The following HBP1 variants were observed in gnomAD, a reference collection of about 807,000 sequenced individuals.
HBP1 encodes the protein HMG-box transcription factor 1.
HBP1 carries 20 observed loss-of-function variants against 62.6 expected under a neutral mutation model. The ratio of observed to expected loss-of-function variants is 0.32; its 90% confidence interval spans 0.22 to 0.46. The LOEUF (loss-of-function observed/expected upper bound fraction) is 0.46, where lower values mean the gene tolerates loss of function less well. HBP1 is among the 20% of genes least tolerant of loss of function. The pLI is 1.00. For missense variants in HBP1, 480 were observed against 611.8 expected, an observed-to-expected ratio of 0.78 and a Z score of 2.27; for synonymous variants, 232 against 206.2, an observed-to-expected ratio of 1.12 and a Z score of -1.07.
At chr7:107,177,071 G>A (rs1406623009) in intron 1 of HBP1, among the ~76,000 whole-genome samples, 1 of 152,076 alleles carries the variant, frequency 6.6e-6, no homozygotes, top group Non-Finnish European at 1.5e-5. Context: ...TTCTATTTAG[G>A]ACATTACAGA....
intron 8 of HBP1, among the ~76,000 whole-genome samples, 156 bp downstream of exon 8, chr7:107,190,473 T>G (rs1797596227): frequency 6.6e-6 from 1 of 152,214 alleles, no homozygotes; most frequent in South Asian, 2.1e-4. Context: ...GAAAACATAT[T>G]AGGTAATTAA....
chr7:107,195,785 G>T, intron 8 of HBP1, 49 bp from the exon 9 acceptor site: 1 of 824,018 alleles, frequency 1.2e-6, no homozygotes, highest in Non-Finnish European at 1.7e-6. Context: ...TTAGAAATCA[G>T]AGAATTCAAA....
intron 6 of HBP1, among the ~76,000 whole-genome samples, chr7:107,187,310 A>T (rs1311432214): frequency 6.6e-6 from 1 of 152,188 alleles, no homozygotes; most frequent in Non-Finnish European, 1.5e-5. Flanking sequence ...GCCTTGCCTT[A>T]GGTAATCTAC....
In HBP1 at chr7:107,201,399, AT is replaced by A; in HGVS notation, c.1528-11del. ...GATTTGTAAACATTCACTGAGTTTAATTTTATTTCCACAGGGCTCACAACAA... is the reference window on the plus strand; with the variant it reads ...GATTTGTAAACATTCACTGAGTTTAATTTATTTCCACAGGGCTCACAACAA... On this transcript the variant is annotated splice_polypyrimidine_tract_variant and intron_variant, in intron 10 of 10. Coordinates refer to ENST00000222574, the MANE Select transcript of HBP1 (RefSeq NM_012257.4). 2 of 1,550,126 alleles carry A rather than the reference AT, an allele frequency of 1.3e-6. No individual in the cohort carries two copies. Among genetic ancestry groups the A allele is most frequent in the Non-Finnish European group, 1.8e-6 (2 of 1,123,516 alleles).
chr7:107,178,479 T>A (rs1226544983), intron 1 of HBP1, among the ~76,000 whole-genome samples: 1 of 152,226 alleles, frequency 6.6e-6, no homozygotes, highest in Non-Finnish European at 1.5e-5. Context: ...TGGATTTTGC[T>A]GAGAAATTAT....
chr7:107,174,054 A>G (rs1796725828), intron 1 of HBP1, among the ~76,000 whole-genome samples: 1 of 152,220 alleles, frequency 6.6e-6, no homozygotes, highest in Non-Finnish European at 1.5e-5. Context: ...TTTCTTCAGA[A>G]TAGTTGAGAA....
chr7:107,181,915 A>G (rs1450242425), intron 2 of HBP1, among the ~76,000 whole-genome samples: 2 of 152,116 alleles, frequency 1.3e-5, no homozygotes, highest in Admixed American at 6.5e-5. Flanking sequence ...AATAACCGAT[A>G]AATAACCAGT....
chr7:107,186,512 A>G (rs1319151316), intron 5 of HBP1, 40 bp downstream of exon 5: 2 of 1,568,896 alleles, frequency 1.3e-6, no homozygotes, highest in African/African-American at 2.7e-5. Flanking sequence ...AATTTTCCAC[A>G]GCTTACTTGT....
At chr7:107,173,838 T>C (rs1292305291) in intron 1 of HBP1, among the ~76,000 whole-genome samples, 2 of 152,194 alleles carry the variant, frequency 1.3e-5, no homozygotes, top group Non-Finnish European at 2.9e-5. Context: ...CAGAGTTAAC[T>C]AAAATACAAG....
At chr7:107,180,346 CT>C (rs1221777896) in intron 2 of HBP1, among the ~76,000 whole-genome samples, 5 of 152,200 alleles carry the variant, frequency 3.3e-5, no homozygotes, top group African/African-American at 7.2e-5. Flanking sequence ...AAAGATGCTA[CT>C]TTTGAAATAT....
In HBP1 at chr7:107,201,315, T is replaced by G. The variant is rs1296265071; in HGVS notation, c.1528-99T>G. On this transcript the variant is annotated intron_variant, in intron 10 of 10. Coordinates refer to ENST00000222574, the MANE Select transcript of HBP1 (RefSeq NM_012257.4). ...CCTTTAAGAAAGCAGTATTTTCTAA[T>G]AGTAAATTTATAAACATCTTATACA... The G allele has an allele frequency of 1.0e-5, 7 of 673,706 alleles. No individual in the cohort carries two copies. The Admixed American group carries it at 1.6e-4, about 15-fold the overall frequency. 41.7% of individuals were successfully genotyped at this position (673,706 alleles called of 1,614,324 possible).
Position 107,195,896 on chromosome 7 carries a change from G to A in HBP1, c.1130G>A (p.Arg377His). 1.9e-6 allele frequency: 3 copies of A among 1,613,446 alleles called. No individual in the cohort carries two copies. The highest frequency in any genetic ancestry group is 1.1e-5 in the South Asian group (1 of 91,048). Residue 377 changes from arginine to histidine, a missense_variant, in exon 9 of 11, where the codon CGT (arginine) becomes CAT (histidine). Coordinates refer to ENST00000222574, the MANE Select transcript of HBP1 (RefSeq NM_012257.4). Reference protein sequence around the residue: ...VYVLSSMARQRRASLSCGGPG... With the variant: ...VYVLSSMARQHRASLSCGGPG... ...GTGTTAAGTAGTATGGCTCGCCAGC[G>A]TCGTGCATCTTTGTCTTGTGGAGGA...
chr7:107,180,462 T>A (rs1334998648), intron 2 of HBP1, among the ~76,000 whole-genome samples: 2 of 152,218 alleles, frequency 1.3e-5, no homozygotes, highest in Non-Finnish European at 2.9e-5. Context: ...ATCTGACATT[T>A]ATGGTTGTTA....
chr7:107,200,099 C>T, intron 9 of HBP1, 61 bp from the exon 10 acceptor site: 1 of 1,350,142 alleles, frequency 7.4e-7, no homozygotes, highest in Admixed American at 2.6e-5. Context: ...AGTAGCAGCA[C>T]TTGACATGAG....
chr7:107,200,163 C>T lies in HBP1; in HGVS notation c.1389C>T (p.Ala463=). ...TGTGTAAATATTTATTTTACAGAGC[C>T]ATAAGTGTGATCCTTGGTGACAGGT... is the stretch of plus-strand genomic sequence containing the variant. The part of the protein sequence containing the change: ...TQMYPGKDNR[A]ISVILGDRWK... The change falls in exon 10 of 11, where the codon GCC becomes GCT. Residue 463 remains alanine (A), a synonymous_variant. Coordinates refer to ENST00000222574, the MANE Select transcript of HBP1 (RefSeq NM_012257.4). 4 of 1,598,788 alleles carry T rather than the reference C, an allele frequency of 2.5e-6. No individual in the cohort carries two copies. The highest frequency in any genetic ancestry group is 3.4e-6 in the Non-Finnish European group (4 of 1,172,548).
chr7:107,181,806 G>A (rs368892574), intron 2 of HBP1, among the ~76,000 whole-genome samples: 3 of 151,672 alleles, frequency 2.0e-5, no homozygotes, highest in African/African-American at 7.3e-5. Context: ...ATAGTGCTTG[G>A]TGTGTGCATG....
chr7:107,189,614 G>A (rs959754260), intron 7 of HBP1, among the ~76,000 whole-genome samples, 166 bp downstream of exon 7: 11 of 152,100 alleles, frequency 7.2e-5, no homozygotes, highest in African/African-American at 2.2e-4. Flanking sequence ...CTAATGGTGC[G>A]TAAGTATCTT....
At chr7:107,199,287 G>A (rs1798088006) in intron 9 of HBP1, among the ~76,000 whole-genome samples, 1 of 152,236 alleles carries the variant, frequency 6.6e-6, no homozygotes, top group African/African-American at 2.4e-5. Context: ...TCACCATGTC[G>A]GCCAGGCTGG....
At chr7:107,200,134 G>A (rs1261398325) in intron 9 of HBP1, 26 bp from the exon 10 acceptor site, 1 of 1,520,536 alleles carries the variant, frequency 6.6e-7, no homozygotes, top group Non-Finnish European at 8.8e-7. Context: ...TGTGCTTTCA[G>A]CATTGTGTAA....
Sources: gnomAD v4.1 joint callset for allele counts (sites outside exome capture counted in the v4.1 genomes callset) on GRCh38, gnomAD v4.1.1 for gene constraint, MANE v1.5 for transcripts, NCBI Gene and HGNC (gene_info 2026-07-23, HGNC 2026-07-21) for gene names.